The following ADARB1 variants were observed in gnomAD, a reference collection of about 807,000 sequenced individuals.
ADARB1 encodes adenosine deaminase RNA specific B1, also known as double-stranded RNA-specific editase 1.
Under a neutral mutation model 52.4 loss-of-function variants are expected in ADARB1, and 10 were observed. That is an observed-to-expected ratio of 0.19 (90% CI 0.12 to 0.32). The LOEUF (loss-of-function observed/expected upper bound fraction) is 0.32. Among genes scored for constraint, ADARB1 ranks in the 10% least tolerant of loss-of-function variants. The probability of loss-of-function intolerance (pLI) is 1.00; values close to 1 mark genes in which losing one functional copy is unlikely to be tolerated. For synonymous variants in ADARB1, 349 were observed against 371.1 expected, an observed-to-expected ratio of 0.94 and a Z score of 0.68; for missense variants, 643 against 922.3, an observed-to-expected ratio of 0.70 and a Z score of 3.92.
intron 1 of ADARB1, chr21:45,100,747 C>G (rs565922613): frequency 2.0e-5 from 3 of 152,652 alleles, no homozygotes; most frequent in East Asian, 3.8e-4. Context: ...GGCTGTCAAG[C>G]GTCTCTGTTG....
At chr21:45,184,447 AATTTT>A in intron 7 of ADARB1, 1 of 161,772 alleles carries the variant, frequency 6.2e-6, no homozygotes, top group Non-Finnish European at 1.1e-5. Context: ...AATTTCATAT[AATTTT>A]TTTTTTTTTT....
At chr21:45,183,668 TC>T (rs1164855904) in intron 7 of ADARB1, among the ~76,000 whole-genome samples, 158 bp downstream of exon 7, 4 of 152,242 alleles carry the variant, frequency 2.6e-5, no homozygotes, top group African/African-American at 9.6e-5. Flanking sequence ...TTTTTTTCTT[TC>T]CAATTAACTT....
chr21:45,140,934 A>G (rs1324231114), intron 2 of ADARB1, among the ~76,000 whole-genome samples: 2 of 152,210 alleles, frequency 1.3e-5, no homozygotes, highest in African/African-American at 2.4e-5. Context: ...TCAAGCCTAT[A>G]ATCCTAGAAC....
intron 2 of ADARB1, among the ~76,000 whole-genome samples, chr21:45,150,860 C>T (rs552772031): frequency 3.0e-4 from 46 of 152,332 alleles, no homozygotes; most frequent in Middle Eastern, 6.8e-3. Flanking sequence ...GACCGTCACT[C>T]GTGCCAGGAG....
In ADARB1 at chr21:45,176,660, C is replaced by A; in HGVS notation, c.959C>A (p.Pro320Gln). The change falls in exon 4 of 11, where the codon CCG (proline) becomes CAG (glutamine). Residue 320 changes from proline (P) to glutamine (Q), a missense_variant. By Grantham distance (76) the Pro-to-Gln change is moderately conservative (BLOSUM62 -1). Transcript: ENST00000348831. The surrounding 1 kb of genome is among the most constrained non-coding windows in gnomAD (Gnocchi z 5.8). ...IPSEGLQLHL[P>Q]QVLADAVSRL... ...AGTGAGGGTCTTCAGCTGCATTTAC[C>A]GCAGGTGAGGAACTATGCTGCTGCT... 1.2e-6 allele frequency: 2 copies of A among 1,605,166 alleles called. No individual in the cohort carries two copies. The highest frequency in any genetic ancestry group is 1.7e-6 in the Non-Finnish European group (2 of 1,175,470).
intron 1 of ADARB1, among the ~76,000 whole-genome samples, chr21:45,092,260 T>TGGCA (rs1419965075): frequency 1.3e-5 from 2 of 152,362 alleles, no homozygotes; most frequent in South Asian, 2.1e-4. Context: ...TGAGCCTGCA[T>TGGCA]GGCAGCCTTC....
intron 9 of ADARB1, among the ~76,000 whole-genome samples, chr21:45,212,803 A>G (rs180832677): frequency 6.6e-6 from 1 of 152,348 alleles, no homozygotes; most frequent in African/African-American, 2.4e-5. Context: ...TTATGAGGAA[A>G]ATAACACAAA....
intron 9 of ADARB1, among the ~76,000 whole-genome samples, chr21:45,211,032 G>A (rs1340607351): frequency 6.6e-6 from 1 of 152,236 alleles, no homozygotes; most frequent in Non-Finnish European, 1.5e-5. Context: ...TGTGGCCAGA[G>A]GTCCTCTGTG....
At chr21:45,143,314 A>G (rs1226082971) in intron 2 of ADARB1, among the ~76,000 whole-genome samples, 2 of 152,180 alleles carry the variant, frequency 1.3e-5, no homozygotes, top group African/African-American at 4.8e-5. Context: ...ATAGACCTCC[A>G]CAACTTAAGA....
intron 1 of ADARB1, among the ~76,000 whole-genome samples, chr21:45,101,776 GCTGA>G (rs543365999): frequency 6.0e-4 from 92 of 152,346 alleles, no homozygotes; most frequent in Non-Finnish European, 1.0e-3. Flanking sequence ...CACCAGTCTT[GCTGA>G]CTATTACGTG....
chr21:45,142,226 C>T lies in ADARB1; in HGVS notation c.-48+13653C>T, dbSNP rs1244177559. ...TTCAAGTGTCTCCTTTTTTTGGGCT[C>T]CTGCCTTCTTTTTGTTTTTCAAATC... On this transcript the variant is annotated intron_variant, in intron 2 of 10. Transcript: ENST00000348831. The surrounding 1 kb of genome is among the most constrained non-coding windows in gnomAD (Gnocchi z 4.0). 6.6e-6 allele frequency among the ~76,000 whole-genome samples: 1 copy of T among 152,162 alleles called. No individual in the cohort carries two copies. The highest frequency in any genetic ancestry group is 2.4e-5 in the African/African-American group (1 of 41,440).
intron 1 of ADARB1, among the ~76,000 whole-genome samples, chr21:45,086,262 T>G (rs527467252): frequency 6.6e-6 from 1 of 152,216 alleles, no homozygotes; most frequent in Non-Finnish European, 1.5e-5. Context: ...ATGCTTTGAG[T>G]CTTCACCTTT....
At chr21:45,125,390 A>T (rs1393910829) in intron 1 of ADARB1, among the ~76,000 whole-genome samples, 2 of 152,182 alleles carry the variant, frequency 1.3e-5, no homozygotes, top group Non-Finnish European at 2.9e-5. Flanking sequence ...TTCTTCAGTG[A>T]GGTGGCTGGC....
intron 2 of ADARB1, among the ~76,000 whole-genome samples, chr21:45,153,068 A>G (rs144839788): frequency 6.6e-6 from 1 of 152,368 alleles, no homozygotes; most frequent in African/African-American, 2.4e-5. Context: ...CGCACTCTTC[A>G]TTAATGACTT....
rs534839801 is a variant in ADARB1 at position 45,132,360 on chromosome 21, C to T, written c.-48+3787C>T. ...TTGTGAGGAACTAAGATGGCTTTTC[C>T]AGTAGCCTCTGTCATTCCAGAGAGT... On this transcript the variant is annotated intron_variant, in intron 2 of 10. Transcript: ENST00000348831. 18 of 152,320 alleles carry T rather than the reference C, an allele frequency of 1.2e-4. No individual in the cohort carries two copies. In the South Asian group the frequency reaches 3.7e-3, roughly 32 times the overall value. The allele number at this position is 152,320 out of a possible 1,614,324, so 9.4% of individuals were successfully genotyped here. A position where few individuals can be genotyped will look rare whatever the true frequency, so the allele number is the denominator to read the frequency against.
chr21:45,175,300 A>T (rs1186905900), intron 3 of ADARB1, among the ~76,000 whole-genome samples: 1 of 152,240 alleles, frequency 6.6e-6, no homozygotes, highest in Non-Finnish European at 1.5e-5. Context: ...TGAAAGGAAG[A>T]TGCTAAAATA....
chr21:45,225,715 G>T lies in ADARB1; in HGVS notation c.*3518G>T. 1.7e-6 allele frequency: 1 copy of T among 584,642 alleles called. No homozygotes were observed. 36.2% of individuals were successfully genotyped at this position (584,642 alleles called of 1,614,324 possible). ...ACTTTACCCCAGAAGCAGGTGGTCTGCCCCAGGCATAAAGAAGGAAAATTG... is the reference window on the plus strand; with the variant it reads ...ACTTTACCCCAGAAGCAGGTGGTCTTCCCCAGGCATAAAGAAGGAAAATTG... On this transcript the variant is annotated 3_prime_UTR_variant, in exon 11 of 11. Coordinates refer to ENST00000348831, the MANE Select transcript of ADARB1 (RefSeq NM_001112.4).
chr21:45,202,903 C>G (rs1242603405), intron 8 of ADARB1, among the ~76,000 whole-genome samples: 1 of 151,384 alleles, frequency 6.6e-6, no homozygotes, highest in South Asian at 2.1e-4. Flanking sequence ...AAGCGCATGC[C>G]ACACTGTGCT....
intron 2 of ADARB1, among the ~76,000 whole-genome samples, chr21:45,135,348 A>G (rs1020378275): frequency 6.6e-6 from 1 of 152,222 alleles, no homozygotes; most frequent in African/African-American, 2.4e-5. Flanking sequence ...AATGACAACA[A>G]CTGTCAGCTG....
Sources: allele counts gnomAD v4.1 joint callset (sites outside exome capture counted in the v4.1 genomes callset), GRCh38; gene constraint gnomAD v4.1.1; non-coding constraint Gnocchi (gnomAD v3.1); transcripts MANE v1.5; gene names NCBI Gene and HGNC (gene_info 2026-07-23, HGNC 2026-07-21).